SCAPER: variants seen among roughly 807,000 people sequenced by gnomAD.
SCAPER encodes the protein S-phase cyclin A associated protein in the ER, also known as S phase cyclin A-associated protein in the endoplasmic reticulum.
SCAPER carries 98 observed loss-of-function variants against 182.2 expected under a neutral mutation model. The observed-to-expected ratio is 0.54, with a 90% CI of 0.46 to 0.64. The LOEUF (loss-of-function observed/expected upper bound fraction) is 0.64. SCAPER is among the 30% of genes least tolerant of loss of function. SCAPER has a pLI of 0.00. For synonymous variants in SCAPER, 605 were observed against 564.6 expected (o/e 1.07, Z -1.01); for missense variants, 1,432 against 1,690.0 (o/e 0.85, Z 2.68).
intron 26 of SCAPER, among the ~76,000 whole-genome samples, chr15:76,419,828 A>G (rs1288830935): frequency 6.6e-6 from 1 of 152,246 alleles, no homozygotes; most frequent in Non-Finnish European, 1.5e-5. Flanking sequence ...CCAGACAAAC[A>G]TGTAACAAAA....
At chr15:76,753,029 A>G (rs1474093303) in intron 15 of SCAPER, among the ~76,000 whole-genome samples, 1 of 151,818 alleles carries the variant, frequency 6.6e-6, no homozygotes, top group Non-Finnish European at 1.5e-5. Flanking sequence ...GTAGGAATGT[A>G]AAATATTTAA....
At chr15:76,516,231 T>A (rs566742736) in intron 23 of SCAPER, among the ~76,000 whole-genome samples, 1 of 151,976 alleles carries the variant, frequency 6.6e-6, no homozygotes, top group Non-Finnish European at 1.5e-5. Context: ...TAAATTATAC[T>A]TTAAGTTCTG....
intron 25 of SCAPER, among the ~76,000 whole-genome samples, chr15:76,439,270 G>T (rs1008215134): frequency 3.9e-5 from 6 of 152,020 alleles, no homozygotes; most frequent in Admixed American, 3.9e-4. Flanking sequence ...GTAGAGATAG[G>T]GTTTCGTCAT....
chr15:76,368,735 T>A (rs2041965299), intron 29 of SCAPER, among the ~76,000 whole-genome samples: 1 of 152,198 alleles, frequency 6.6e-6, no homozygotes, highest in African/African-American at 2.4e-5. Context: ...TATGGGGCCT[T>A]TCCAAATGAA....
At chr15:76,875,720 T>C (rs2073094167) in intron 2 of SCAPER, among the ~76,000 whole-genome samples, 1 of 152,118 alleles carries the variant, frequency 6.6e-6, no homozygotes, top group African/African-American at 2.4e-5. Context: ...GATGTTCGGA[T>C]GTGTTGGGAG....
At chr15:76,810,763 TA>T (rs1482933587) in intron 5 of SCAPER, among the ~76,000 whole-genome samples, 2 of 151,948 alleles carry the variant, frequency 1.3e-5, no homozygotes, top group Non-Finnish European at 2.9e-5. Context: ...AAATAATGGT[TA>T]AAAAACAAAC....
intron 8 of SCAPER, among the ~76,000 whole-genome samples, chr15:76,790,477 T>C (rs2064929870): frequency 6.6e-6 from 1 of 152,208 alleles, no homozygotes; most frequent in Admixed American, 6.5e-5. Context: ...TTTTTAAAAA[T>C]ACTTCTAAGT....
At chr15:76,842,637 C>A (rs1425498451) in intron 4 of SCAPER, among the ~76,000 whole-genome samples, 1 of 152,126 alleles carries the variant, frequency 6.6e-6, no homozygotes, top group Non-Finnish European at 1.5e-5. Context: ...ATACAGACAT[C>A]ATGAAACCAA....
intron 24 of SCAPER, among the ~76,000 whole-genome samples, chr15:76,500,940 G>A (rs2041057165): frequency 6.6e-6 from 1 of 151,816 alleles, no homozygotes; most frequent in South Asian, 2.1e-4. Context: ...TTACTCGGGA[G>A]GCTGAGGCAC....
chr15:76,351,115 C>T, intron 31 of SCAPER, 122 bp downstream of exon 31: 1 of 768,562 alleles, frequency 1.3e-6, no homozygotes, highest in Non-Finnish European at 2.0e-6. Context: ...GTATCTGAAT[C>T]TCAAATATTT....
chr15:76,692,414 C>T lies in SCAPER; in HGVS notation c.2508+9344G>A, dbSNP rs561287130. ...TTAGAAAAATAACATGAAGGCTGGG[C>T]GTGGTGGCTCTTGCCTGTAATCCCA... On this transcript the variant is annotated intron_variant, in intron 20 of 31. Coordinates refer to ENST00000563290, the MANE Select transcript of SCAPER (RefSeq NM_020843.4). Among the ~76,000 whole-genome samples, 451 of 152,130 alleles carry T rather than the reference C, an allele frequency of 3.0e-3. 1 individual carries two copies. Among genetic ancestry groups the T allele is most frequent in the Non-Finnish European group, 4.9e-3 (331 of 67,988 alleles).
chr15:76,609,000 G>T (rs1013998333), intron 22 of SCAPER, among the ~76,000 whole-genome samples: 4 of 152,144 alleles, frequency 2.6e-5, no homozygotes, highest in Non-Finnish European at 5.9e-5. Context: ...GCCCTGCTTC[G>T]GCTCGCGCAC....
chr15:76,726,156 A>T (rs1899554), intron 17 of SCAPER, among the ~76,000 whole-genome samples: 11,490 of 78,958 alleles, frequency 0.15, 1,883 homozygotes, highest in Middle Eastern at 0.25. Context: ...TATATATATA[A>T]AAAACTCTAT....
intron 2 of SCAPER, among the ~76,000 whole-genome samples, chr15:76,863,289 G>T (rs2072022197): frequency 6.6e-6 from 1 of 152,214 alleles, no homozygotes; most frequent in African/African-American, 2.4e-5. Flanking sequence ...ACACCCATGT[G>T]AACACGAGGA....
At chr15:76,858,241 T>C (rs1305208565) in intron 3 of SCAPER, among the ~76,000 whole-genome samples, 1 of 152,228 alleles carries the variant, frequency 6.6e-6, no homozygotes, top group Non-Finnish European at 1.5e-5. Context: ...AATAGTTCTT[T>C]AAGTTCAAAT....
intron 20 of SCAPER, among the ~76,000 whole-genome samples, chr15:76,677,310 C>T (rs954961092): frequency 1.3e-5 from 2 of 151,814 alleles, no homozygotes; most frequent in African/African-American, 4.8e-5. Flanking sequence ...CTAATTAAGC[C>T]TTAATAGGGA....
In SCAPER at chr15:76,652,274, ATATATAT is replaced by A. The variant is rs1258409463; in HGVS notation, c.2645+13372_2645+13378del. ...TCTCTGCTAAAAAAAAAAAAAAAAA[ATATATAT>A]ATATATATATATATATATATATATA... On this transcript the variant is annotated intron_variant, in intron 21 of 31. Coordinates refer to ENST00000563290, the MANE Select transcript of SCAPER (RefSeq NM_020843.4). Among the ~76,000 whole-genome samples, 65 of 10,628 alleles carry A rather than the reference ATATATAT, an allele frequency of 6.1e-3. 10 individuals carry two copies. The highest frequency in any genetic ancestry group is 0.013 in the East Asian group (5 of 388). 7.0% of individuals were successfully genotyped at this position (10,628 alleles called of 152,430 possible).
chr15:76,445,916 T>G (rs2047968035), intron 25 of SCAPER, among the ~76,000 whole-genome samples: 1 of 152,100 alleles, frequency 6.6e-6, no homozygotes, highest in Admixed American at 6.5e-5. Context: ...GTTGCATGAG[T>G]GCTTAACCCT....
In SCAPER at chr15:76,668,202, C is replaced by T. The variant is rs554860322; in HGVS notation, c.2509-2413G>A. Among the ~76,000 whole-genome samples, 4 of 152,298 alleles carry T rather than the reference C, an allele frequency of 2.6e-5. No homozygotes were observed. In the South Asian group the frequency reaches 8.3e-4, roughly 32 times the overall value. On this transcript the variant is annotated intron_variant, in intron 20 of 31. Coordinates refer to ENST00000563290, the MANE Select transcript of SCAPER (RefSeq NM_020843.4). ...TTCATATATATCCCCAATTCAACCA[C>T]TTATCCCTACCACCACCACCTGCTC...
Sources: allele counts gnomAD v4.1 joint callset (sites outside exome capture counted in the v4.1 genomes callset), GRCh38; gene constraint gnomAD v4.1.1; transcripts MANE v1.5; gene names NCBI Gene and HGNC (gene_info 2026-07-23, HGNC 2026-07-21).